Variants in PDCD1LG2 observed in about 807,000 individuals in gnomAD.
PDCD1LG2 encodes the protein programmed cell death 1 ligand 2.
In PDCD1LG2, 32 loss-of-function variants were observed where a neutral mutation model predicts 28.2. That is an observed-to-expected ratio of 1.13 (90% CI 0.86 to 1.52). PDCD1LG2 has a LOEUF of 1.52. Ranked by LOEUF, PDCD1LG2 falls within the 40% of genes most tolerant of loss-of-function variation. The probability of loss-of-function intolerance (pLI) is 0.00; values close to 1 mark genes in which losing one functional copy is unlikely to be tolerated. For missense variants in PDCD1LG2, 385 were observed against 323.8 expected, an observed-to-expected ratio of 1.19 and a Z score of -1.45; for synonymous variants, 116 against 120.2, an observed-to-expected ratio of 0.97 and a Z score of 0.23.
At chr9:5,530,373 T>C (rs1330146213) in intron 2 of PDCD1LG2, among the ~76,000 whole-genome samples, 1 of 152,252 alleles carries the variant, frequency 6.6e-6, no homozygotes, top group East Asian at 1.9e-4. Flanking sequence ...TTTTCTCCTT[T>C]GTCTAATACC....
intron 1 of PDCD1LG2, among the ~76,000 whole-genome samples, chr9:5,520,791 T>C (rs1378988460): frequency 1.3e-5 from 2 of 152,158 alleles, no homozygotes; most frequent in Non-Finnish European, 2.9e-5. Flanking sequence ...ATCATATATT[T>C]GATAAATAGT....
intron 6 of PDCD1LG2, among the ~76,000 whole-genome samples, chr9:5,566,770 C>T (rs1271450284): frequency 6.6e-6 from 1 of 151,990 alleles, no homozygotes; most frequent in Non-Finnish European, 1.5e-5. Flanking sequence ...CCCTACGTTG[C>T]CATTTAAACT....
intron 1 of PDCD1LG2, among the ~76,000 whole-genome samples, chr9:5,521,607 T>C (rs1432207435): frequency 1.3e-5 from 2 of 152,110 alleles, no homozygotes; most frequent in Non-Finnish European, 2.9e-5. Flanking sequence ...CTCTCAGCAA[T>C]AGTCTATTGC....
intron 2 of PDCD1LG2, among the ~76,000 whole-genome samples, chr9:5,531,223 G>T (rs1471152532): frequency 6.6e-6 from 1 of 152,168 alleles, no homozygotes; most frequent in Non-Finnish European, 1.5e-5. Context: ...CTGGGCTTGA[G>T]AAAAAACCTC....
chr9:5,527,100 G>C (rs1820394128), intron 2 of PDCD1LG2, among the ~76,000 whole-genome samples: 1 of 152,144 alleles, frequency 6.6e-6, no homozygotes, highest in Non-Finnish European at 1.5e-5. Flanking sequence ...AGTTTGAAGT[G>C]AAAAATTAGG....
At chr9:5,513,780 A>G (rs1820105262) in intron 1 of PDCD1LG2, among the ~76,000 whole-genome samples, 1 of 152,186 alleles carries the variant, frequency 6.6e-6, no homozygotes, top group Admixed American at 6.5e-5. Flanking sequence ...TCAAATACCT[A>G]TTGGGTTTGT....
chr9:5,540,816 C>G (rs1820673158), intron 3 of PDCD1LG2, among the ~76,000 whole-genome samples: 2 of 152,130 alleles, frequency 1.3e-5, no homozygotes, highest in Admixed American at 6.5e-5. Flanking sequence ...TCTATTGACA[C>G]TATTCCATGG....
In PDCD1LG2 at chr9:5,510,754, T is replaced by C. The variant is rs1820041282; in HGVS notation, c.-64T>C. The C allele has an allele frequency of 6.5e-6, 1 of 152,678 alleles. No homozygotes were observed. The highest frequency in any genetic ancestry group is 1.5e-5 in the Non-Finnish European group (1 of 68,062). The allele number at this position is 152,678 out of a possible 1,614,324, so 9.5% of individuals were successfully genotyped here. Reference sequence around the variant, plus strand: ...ATCTAACACAAACAGCAACTGTTTTTTGTTGTTTACTTTTGCATCTTTACT... The same window carrying C: ...ATCTAACACAAACAGCAACTGTTTTCTGTTGTTTACTTTTGCATCTTTACT... On this transcript the variant is annotated 5_prime_UTR_variant, in exon 1 of 7. Transcript: ENST00000397747.
chr9:5,543,956 C>T (rs1820744175), intron 3 of PDCD1LG2, among the ~76,000 whole-genome samples: 1 of 152,148 alleles, frequency 6.6e-6, no homozygotes, highest in South Asian at 2.1e-4. Context: ...GAATTGAAAG[C>T]AGTCCTAAAA....
At chr9:5,566,381 A>G (rs149840544) in intron 6 of PDCD1LG2, among the ~76,000 whole-genome samples, 2 of 152,220 alleles carry the variant, frequency 1.3e-5, no homozygotes, top group African/African-American at 4.8e-5. Context: ...CTTTGTGCAC[A>G]TGATAGAATT....
intron 4 of PDCD1LG2, among the ~76,000 whole-genome samples, chr9:5,552,098 C>A (rs888296015): frequency 1.6e-4 from 24 of 152,130 alleles, no homozygotes; most frequent in African/African-American, 5.3e-4. Context: ...ATCAGCATGC[C>A]CTTAACAGAC....
rs74722755 is a variant in PDCD1LG2 at position 5,557,825 on chromosome 9, G to C, written c.766+73G>C. On this transcript the variant is annotated intron_variant, in intron 5 of 6. Transcript: ENST00000397747. ...CATGAGCCACTGCTTTGCACTGCAGGCCTATGGCTTGCTGCTTTCATGCTA... is the reference window on the plus strand; with the variant it reads ...CATGAGCCACTGCTTTGCACTGCAGCCCTATGGCTTGCTGCTTTCATGCTA... The C allele has an allele frequency of 2.7e-3, 4,189 of 1,558,756 alleles. 103 individuals are homozygous for C. In the African/African-American group the frequency reaches 0.052, roughly 19 times the overall value.
chr9:5,517,890 G>A (rs1227488161), intron 1 of PDCD1LG2, among the ~76,000 whole-genome samples: 1 of 152,140 alleles, frequency 6.6e-6, no homozygotes, highest in Non-Finnish European at 1.5e-5. Context: ...GCAGAGGAAG[G>A]CAAGACTAGA....
At chr9:5,544,675 C>T (rs1223237748) in intron 3 of PDCD1LG2, among the ~76,000 whole-genome samples, 2 of 152,166 alleles carry the variant, frequency 1.3e-5, no homozygotes, top group African/African-American at 4.8e-5. Context: ...ATACAGTTGA[C>T]TAGATCTATA....
intron 4 of PDCD1LG2, among the ~76,000 whole-genome samples, chr9:5,556,514 A>C (rs576473103): frequency 6.6e-6 from 1 of 152,308 alleles, no homozygotes; most frequent in East Asian, 1.9e-4. Context: ...CACATAGATT[A>C]TTTAGCAACT....
chr9:5,560,769 CT>C (rs1438272469), intron 5 of PDCD1LG2, among the ~76,000 whole-genome samples: 2 of 152,112 alleles, frequency 1.3e-5, no homozygotes, highest in African/African-American at 4.8e-5. Flanking sequence ...GGCTTCTTAG[CT>C]CCTGAACAGA....
intron 2 of PDCD1LG2, among the ~76,000 whole-genome samples, chr9:5,531,833 T>C (rs1322669501): frequency 1.3e-5 from 2 of 152,248 alleles, no homozygotes; most frequent in Non-Finnish European, 2.9e-5. Flanking sequence ...TTATCAAATG[T>C]AATTAAACAA....
intron 2 of PDCD1LG2, among the ~76,000 whole-genome samples, chr9:5,528,261 T>A (rs1437529813): frequency 6.8e-6 from 1 of 147,800 alleles, no homozygotes; most frequent in Non-Finnish European, 1.5e-5. Flanking sequence ...ATATTTTATA[T>A]ATTATATATA....
At chr9:5,552,772 C>G (rs1403530746) in intron 4 of PDCD1LG2, among the ~76,000 whole-genome samples, 1 of 152,152 alleles carries the variant, frequency 6.6e-6, no homozygotes, top group Non-Finnish European at 1.5e-5. Flanking sequence ...AAATTCTTCC[C>G]TGATACAGTT....
Sources: allele counts gnomAD v4.1 joint callset (sites outside exome capture counted in the v4.1 genomes callset), GRCh38; gene constraint gnomAD v4.1.1; transcripts MANE v1.5; gene names NCBI Gene and HGNC (gene_info 2026-07-23, HGNC 2026-07-21).